FTO: variants seen among roughly 807,000 people sequenced by gnomAD.
The protein encoded by FTO is alpha-ketoglutarate-dependent dioxygenase FTO.
FTO carries 47 observed loss-of-function variants against 63.9 expected under a neutral mutation model. The observed-to-expected ratio is 0.74, with a 90% confidence interval of 0.58 to 0.94. FTO has a LOEUF of 0.94. FTO is among the 40% of genes least tolerant of loss of function. The probability of loss-of-function intolerance (pLI) is 0.00; values close to 1 mark genes in which losing one functional copy is unlikely to be tolerated. For missense variants in FTO, 562 were observed against 618.1 expected (o/e 0.91, Z 0.96); for synonymous variants, 207 against 224.4 (o/e 0.92, Z 0.69).
rs1162474308 is a variant in FTO at position 54,112,123 on chromosome 16, C to T, written c.*208C>T. The T allele has an allele frequency of 2.0e-5, 12 of 594,926 alleles. No individual in the cohort carries two copies. The highest frequency in any genetic ancestry group is 3.6e-5 in the Non-Finnish European group (12 of 337,412). The allele number at this position is 594,926 out of a possible 1,614,324, so 36.9% of individuals were successfully genotyped here. A position where few individuals can be genotyped will look rare whatever the true frequency, so the allele number is the denominator to read the frequency against. On this transcript the variant is annotated 3_prime_UTR_variant, in exon 9 of 9. Transcript: ENST00000471389. ...TGTTATAGTCTGATTTGGTGTTAAA[C>T]AGGACCTTCTTCCCCCAAAATTGTT...
At position 53,929,058 on chromosome 16, in the gene FTO, A is replaced by G. The variant is rs187470437; in HGVS notation, c.1240-4927A>G. 3.2e-4 allele frequency among the ~76,000 whole-genome samples: 48 copies of G among 152,118 alleles called. No individual in the cohort carries two copies. In the East Asian group the frequency reaches 8.7e-3, roughly 28 times the overall value. ...GGGTTTTGCCATGTTGGTCAGGCTG[A>G]TCTCAAACTACTGATCTCAGATGAT... On this transcript the variant is annotated intron_variant, in intron 7 of 8. Transcript: ENST00000471389.
chr16:53,927,196 C>A (rs1389428545), intron 7 of FTO, among the ~76,000 whole-genome samples: 2 of 152,112 alleles, frequency 1.3e-5, no homozygotes, highest in African/African-American at 4.8e-5. Flanking sequence ...TGAACTAAGC[C>A]TATGGCAGTG....
intron 1 of FTO, among the ~76,000 whole-genome samples, chr16:53,731,932 G>C (rs2076279398): frequency 6.6e-6 from 1 of 151,674 alleles, no homozygotes; most frequent in Non-Finnish European, 1.5e-5. Flanking sequence ...CACCATGTTG[G>C]CCCGGCTGGT....
chr16:53,710,168 TTTTATTTA>T (rs10685934), intron 1 of FTO, among the ~76,000 whole-genome samples: 18 of 150,948 alleles, frequency 1.2e-4, no homozygotes, highest in Admixed American at 5.3e-4. Flanking sequence ...GCAAGCTATC[TTTTATTTA>T]TTTATTTATT....
At chr16:53,710,040 T>C (rs2075728296) in intron 1 of FTO, among the ~76,000 whole-genome samples, 1 of 152,172 alleles carries the variant, frequency 6.6e-6, no homozygotes, top group Non-Finnish European at 1.5e-5. Flanking sequence ...CTGGATTGCA[T>C]ATTACCTTTC....
At chr16:53,825,517 A>C (rs544103450) in intron 2 of FTO, among the ~76,000 whole-genome samples, 1 of 152,352 alleles carries the variant, frequency 6.6e-6, no homozygotes, top group South Asian at 2.1e-4. Context: ...GCACTTAATA[A>C]ATATTTTAGA....
At chr16:53,789,659 T>A (rs1470967192) in intron 1 of FTO, among the ~76,000 whole-genome samples, 1 of 152,028 alleles carries the variant, frequency 6.6e-6, no homozygotes, top group African/African-American at 2.4e-5. Flanking sequence ...CTTTCTGAAT[T>A]TTTTGATTTC....
intron 8 of FTO, among the ~76,000 whole-genome samples, chr16:53,967,726 A>AC (rs1488905369): frequency 6.6e-6 from 1 of 152,252 alleles, no homozygotes; most frequent in Non-Finnish European, 1.5e-5. Flanking sequence ...CTAAAAAGGC[A>AC]GAAAGACTAA....
At chr16:53,783,533 G>A (rs1434136219) in intron 1 of FTO, among the ~76,000 whole-genome samples, 1 of 150,922 alleles carries the variant, frequency 6.6e-6, no homozygotes, top group Non-Finnish European at 1.5e-5. Context: ...GCGTGAACCC[G>A]GGAGGCGGAG....
At chr16:53,828,194 G>A (rs555063980) in intron 3 of FTO, among the ~76,000 whole-genome samples, 3 of 152,142 alleles carry the variant, frequency 2.0e-5, no homozygotes, top group South Asian at 2.1e-4. Flanking sequence ...CTGTAAGAGC[G>A]GTGTGCAAAC....
At chr16:54,048,126 T>TAAAAAAAAAAAAAAAAAAAAAAA (rs71380060) in intron 8 of FTO, among the ~76,000 whole-genome samples, 1 of 56,426 alleles carries the variant, frequency 1.8e-5, no homozygotes, top group African/African-American at 1.1e-4. Flanking sequence ...AAAAAAAAAT[T>TAAAAAAAAAAAAAAAAAAAAAAA]AAAAAAAAAA....
intron 8 of FTO, among the ~76,000 whole-genome samples, chr16:53,985,351 A>G (rs1208609169): frequency 6.6e-6 from 1 of 152,192 alleles, no homozygotes; most frequent in African/African-American, 2.4e-5. Flanking sequence ...TTCTCTGAGT[A>G]TGTTTCTCAT....
chr16:54,075,864 T>C (rs1314359819), intron 8 of FTO, among the ~76,000 whole-genome samples: 2 of 152,228 alleles, frequency 1.3e-5, no homozygotes, highest in Non-Finnish European at 2.9e-5. Context: ...TATTTATAGT[T>C]CTTAGAATAA....
chr16:53,919,533 A>T (rs1011228964), intron 7 of FTO, among the ~76,000 whole-genome samples: 3 of 152,222 alleles, frequency 2.0e-5, no homozygotes, highest in African/African-American at 7.2e-5. Flanking sequence ...ATGCATGTTT[A>T]TAGCAGCACA....
At chr16:53,721,572 G>C (rs193203430) in intron 1 of FTO, among the ~76,000 whole-genome samples, 25 of 152,184 alleles carry the variant, frequency 1.6e-4, no homozygotes, top group Admixed American at 9.2e-4. Context: ...TGCTATGGAA[G>C]GGTGATAATT....
chr16:54,102,351 A>C (rs2086658777), intron 8 of FTO, among the ~76,000 whole-genome samples: 1 of 152,182 alleles, frequency 6.6e-6, no homozygotes, highest in Non-Finnish European at 1.5e-5. Flanking sequence ...GATGATGGGA[A>C]ACCTTTACCA....
At chr16:54,003,046 T>A (rs1424130562) in intron 8 of FTO, among the ~76,000 whole-genome samples, 1 of 152,204 alleles carries the variant, frequency 6.6e-6, no homozygotes, top group East Asian at 1.9e-4. Context: ...GTGAAATAGA[T>A]GTTTCCCTTT....
chr16:53,742,441 A>G lies in FTO; in HGVS notation c.45+38212A>G, dbSNP rs544065386. 3.7e-4 allele frequency among the ~76,000 whole-genome samples: 57 copies of G among 152,352 alleles called. No homozygotes were observed. In the South Asian group the frequency reaches 0.01, roughly 28 times the overall value. On this transcript the variant is annotated intron_variant, in intron 1 of 8. Transcript: ENST00000471389. Reference sequence around the variant, plus strand: ...GATAAGAAAAATTTCGATAATAGACACTGGGTGGACAACAGAAGGTATCTA... The same window carrying G: ...GATAAGAAAAATTTCGATAATAGACGCTGGGTGGACAACAGAAGGTATCTA...
intron 3 of FTO, among the ~76,000 whole-genome samples, chr16:53,836,411 T>TA (rs1313243926): frequency 6.6e-6 from 1 of 152,214 alleles, no homozygotes; most frequent in Non-Finnish European, 1.5e-5. Flanking sequence ...ATTAGACTTG[T>TA]AAACTTGTAA....
Sources: gnomAD v4.1 joint callset for allele counts (sites outside exome capture counted in the v4.1 genomes callset) on GRCh38, gnomAD v4.1.1 for gene constraint, MANE v1.5 for transcripts, NCBI Gene and HGNC (gene_info 2026-07-23, HGNC 2026-07-21) for gene names.